FER: variants seen among roughly 807,000 people sequenced by gnomAD.
The protein encoded by FER is tyrosine-protein kinase Fer.
In FER, 63 loss-of-function variants were observed where a neutral mutation model predicts 111.0. That is an observed-to-expected ratio of 0.57 (90% confidence interval 0.46 to 0.70). The LOEUF (loss-of-function observed/expected upper bound fraction) is 0.70. Ranked by LOEUF, FER falls within the 30% of genes least tolerant of loss-of-function variation. The probability of loss-of-function intolerance (pLI) is 0.00; values close to 1 mark genes in which losing one functional copy is unlikely to be tolerated. For synonymous variants in FER, 327 were observed against 313.9 expected (o/e 1.04, Z -0.44); for missense variants, 914 against 954.0 (o/e 0.96, Z 0.55).
intron 1 of FER, among the ~76,000 whole-genome samples, chr5:108,765,218 T>A (rs1752186710): frequency 6.6e-6 from 1 of 152,182 alleles, no homozygotes; most frequent in African/African-American, 2.4e-5. Context: ...AATATAATTT[T>A]TTTGATTCAT....
At chr5:108,804,612 T>C (rs1023687519) in intron 3 of FER, among the ~76,000 whole-genome samples, 1 of 152,212 alleles carries the variant, frequency 6.6e-6, no homozygotes, top group African/African-American at 2.4e-5. Context: ...TTGTTTCTGA[T>C]TGTGTTCGTG....
chr5:109,029,822 T>C (rs1270234312), intron 13 of FER, among the ~76,000 whole-genome samples: 2 of 152,186 alleles, frequency 1.3e-5, no homozygotes, highest in African/African-American at 2.4e-5. Flanking sequence ...GTGTTTATCC[T>C]ATTTCAGGTC....
chr5:109,087,351 A>C (rs1389421003), intron 16 of FER, among the ~76,000 whole-genome samples: 1 of 151,708 alleles, frequency 6.6e-6, no homozygotes, highest in Non-Finnish European at 1.5e-5. Flanking sequence ...TGCCTTTTGT[A>C]GTTGTTGAGT....
At chr5:108,887,919 A>T (rs1747420175) in intron 9 of FER, among the ~76,000 whole-genome samples, 1 of 151,876 alleles carries the variant, frequency 6.6e-6, no homozygotes, top group Non-Finnish European at 1.5e-5. Context: ...TTTGATTTAC[A>T]AAAAGTAAAT....
chr5:109,085,796 A>G (rs1167168273), intron 16 of FER, among the ~76,000 whole-genome samples: 2 of 151,758 alleles, frequency 1.3e-5, no homozygotes, highest in African/African-American at 4.8e-5. Flanking sequence ...GCTTTCCTGT[A>G]TCTATTGATA....
chr5:108,970,133 A>G (rs895615466), intron 13 of FER, among the ~76,000 whole-genome samples: 1 of 148,564 alleles, frequency 6.7e-6, no homozygotes, highest in Non-Finnish European at 1.5e-5. Context: ...GTGTGTGCGT[A>G]ACTAAAACAA....
At chr5:109,057,827 C>A (rs777251770) in intron 16 of FER, among the ~76,000 whole-genome samples, 1 of 152,174 alleles carries the variant, frequency 6.6e-6, no homozygotes, top group East Asian at 1.9e-4. Flanking sequence ...CAATTCTATA[C>A]AACCCACTGA....
chr5:109,100,268 T>C, intron 16 of FER, 128 bp from the exon 17 acceptor site: 1 of 1,052,928 alleles, frequency 9.5e-7, no homozygotes. Flanking sequence ...TCAAACAAAT[T>C]GGGCAAAAAG....
chr5:108,809,010 G>A (rs985961394), intron 3 of FER, among the ~76,000 whole-genome samples: 3 of 152,192 alleles, frequency 2.0e-5, no homozygotes, highest in Non-Finnish European at 4.4e-5. Flanking sequence ...TTTCTCAGCT[G>A]CCTTTAAGAT....
intron 9 of FER, among the ~76,000 whole-genome samples, chr5:108,890,932 G>A (rs1244520467): frequency 6.6e-6 from 1 of 152,070 alleles, no homozygotes; most frequent in African/African-American, 2.4e-5. Context: ...GTTGCTAATT[G>A]TATGGTAATT....
rs188399946 is a variant in FER, at chr5:109,192,110, T to A, written c.*4535T>A. On this transcript the variant is annotated 3_prime_UTR_variant, in exon 20 of 20. Coordinates refer to ENST00000281092, the MANE Select transcript of FER (RefSeq NM_005246.4). ...CTTAATAAGGACTGAGATTCTTGGG[T>A]GGCAGAAAAATCCTGGTGTGCTAGA... 50 of 152,304 alleles carry A rather than the reference T, an allele frequency of 3.3e-4. 2 individuals carry two copies. The East Asian group carries it at 9.1e-3, about 28-fold the overall frequency. The allele number at this position is 152,304 out of a possible 1,614,324, so 9.4% of individuals were successfully genotyped here. A position where few individuals can be genotyped will look rare whatever the true frequency, so the allele number is the denominator to read the frequency against.
intron 16 of FER, among the ~76,000 whole-genome samples, chr5:109,060,181 C>T (rs917403277): frequency 1.3e-5 from 2 of 151,706 alleles, no homozygotes; most frequent in Admixed American, 6.6e-5. Flanking sequence ...AGACAATAGA[C>T]AGGCATGAGG....
intron 8 of FER, among the ~76,000 whole-genome samples, chr5:108,877,990 C>G (rs540334168): frequency 1.2e-4 from 18 of 152,172 alleles, no homozygotes; most frequent in Admixed American, 1.0e-3. Flanking sequence ...ACTGCAGCCT[C>G]TGCCTCCCAC....
intron 17 of FER, among the ~76,000 whole-genome samples, chr5:109,152,878 C>G (rs895006228): frequency 6.6e-6 from 1 of 151,834 alleles, no homozygotes. Flanking sequence ...CCGTTAAGAA[C>G]AAGCCATTTT....
At chr5:108,925,369 A>T (rs1272338135) in intron 10 of FER, among the ~76,000 whole-genome samples, 1 of 152,008 alleles carries the variant, frequency 6.6e-6, no homozygotes. Flanking sequence ...TATATAGTTC[A>T]ATGCTAATTT....
chr5:109,150,614 G>A (rs1188057116), intron 17 of FER, among the ~76,000 whole-genome samples: 1 of 152,126 alleles, frequency 6.6e-6, no homozygotes, highest in African/African-American at 2.4e-5. Flanking sequence ...GCATTGGCCT[G>A]GCTAGCTCTT....
intron 11 of FER, 107 bp downstream of exon 11, chr5:108,946,329 T>A (rs889603198): frequency 1.5e-6 from 1 of 647,744 alleles, no homozygotes; most frequent in East Asian, 2.9e-5. Context: ...TATATATGTA[T>A]ATACATATAT....
intron 5 of FER, chr5:108,842,791 C>T (rs1456864156): frequency 6.6e-6 from 1 of 152,140 alleles, no homozygotes; most frequent in Non-Finnish European, 1.5e-5. Context: ...AACACTTCTA[C>T]ACGGCTGGTG....
At chr5:108,904,605 G>C (rs1409144137) in intron 10 of FER, among the ~76,000 whole-genome samples, 1 of 152,178 alleles carries the variant, frequency 6.6e-6, no homozygotes, top group Non-Finnish European at 1.5e-5. Context: ...TGAGCGTTCT[G>C]AGTGAGGGAG....
Sources: allele counts gnomAD v4.1 joint callset (sites outside exome capture counted in the v4.1 genomes callset), GRCh38; gene constraint gnomAD v4.1.1; transcripts MANE v1.5; gene names NCBI Gene and HGNC (gene_info 2026-07-23, HGNC 2026-07-21).